Variants in CD276 observed in about 807,000 individuals in gnomAD.
CD276 encodes CD276 molecule.
Under a neutral mutation model 50.0 loss-of-function variants are expected in CD276, and 34 were observed. That is an observed-to-expected ratio of 0.68 (90% CI 0.52 to 0.91). The LOEUF (loss-of-function observed/expected upper bound fraction) is 0.91. Ranked by LOEUF, CD276 falls within the 40% of genes least tolerant of loss-of-function variation. CD276 has a pLI of 0.00. For synonymous variants in CD276, 275 were observed against 313.0 expected, an observed-to-expected ratio of 0.88 and a Z score of 1.28; for missense variants, 634 against 717.5, an observed-to-expected ratio of 0.88 and a Z score of 1.33.
chr15:73,691,557 T>C (rs986433434), intron 1 of CD276, among the ~76,000 whole-genome samples: 2 of 152,106 alleles, frequency 1.3e-5, no homozygotes, highest in Non-Finnish European at 2.9e-5. Context: ...GCAGGGCAGG[T>C]TTCTCCATGA....
chr15:73,705,061 C>T (rs1900594679), intron 6 of CD276, among the ~76,000 whole-genome samples: 3 of 152,216 alleles, frequency 2.0e-5, no homozygotes, highest in Admixed American at 2.0e-4. Context: ...CAGGTTCTAG[C>T]CTCGTGGGCA....
chr15:73,713,156 T>C lies in CD276; in HGVS notation c.*200T>C, dbSNP rs760341849. On this transcript the variant is annotated 3_prime_UTR_variant, in exon 10 of 10. Transcript: ENST00000318443. ...ATTCCCAAGTCATCCTGCTGCCTTTTTTCTTATAGACACAATGAACAGACC... is the reference window on the plus strand; with the variant it reads ...ATTCCCAAGTCATCCTGCTGCCTTTCTTCTTATAGACACAATGAACAGACC... The C allele has an allele frequency of 5.4e-5, 30 of 558,628 alleles. No individual in the cohort carries two copies. Among genetic ancestry groups the C allele is most frequent in the Non-Finnish European group, 8.5e-5 (27 of 317,032 alleles). 34.6% of individuals were successfully genotyped at this position (558,628 alleles called of 1,614,324 possible).
chr15:73,697,098 G>A (rs1596008056), intron 1 of CD276, among the ~76,000 whole-genome samples: 1 of 152,334 alleles, frequency 6.6e-6, no homozygotes, highest in East Asian at 1.9e-4. Flanking sequence ...CCTGCAGGCA[G>A]CTGCCTGCTG....
rs903913057 is a variant in CD276, at chr15:73,704,917, C to T, written c.1369+445C>T. 4.6e-5 allele frequency among the ~76,000 whole-genome samples: 7 copies of T among 152,224 alleles called. No homozygotes were observed. Among genetic ancestry groups the T allele is most frequent in the East Asian group, 1.9e-4 (1 of 5,192 alleles). ...AGTTAGTCCCCAACACCTGAGTCAA[C>T]GTCAGCTCTTCTTCCTGCAGACTTG... On this transcript the variant is annotated intron_variant, in intron 6 of 9. Coordinates refer to ENST00000318443, the MANE Select transcript of CD276 (RefSeq NM_001024736.2). The surrounding 1 kb of genome is among the most constrained non-coding windows in gnomAD (Gnocchi z 4.1).
In CD276 at chr15:73,702,773, T is replaced by A; in HGVS notation, c.420T>A (p.Ala140=). 6.2e-7 allele frequency: 1 copy of A among 1,610,376 alleles called. No individual in the cohort carries two copies. Residue 140 remains alanine (A), a splice_region_variant and synonymous_variant, in exon 4 of 10, where the codon GCT becomes GCA. Transcript: ENST00000318443. ...ACCCCTGCCCTCTGTCACCTCCAGC[T>A]CCCTACTCGAAGCCCAGCATGACCC... ...GSAAVSLQVA[A]PYSKPSMTLE...
At chr15:73,686,357 A>G (rs62004623) in intron 1 of CD276, 26,442 of 951,944 alleles carry the variant, frequency 0.028, 383 homozygotes, top group Non-Finnish European at 0.031. Context: ...TTGGAATCTG[A>G]GGACCCTGTT....
rs953593237 is a variant in CD276 at position 73,698,632 on chromosome 15, C to T, written c.-54-954C>T. ...CTGGAGTGCAGTGGTGCAATCTTGG[C>T]TTACTGCAACCTCTGCCTCCTGGGT... On this transcript the variant is annotated intron_variant, in intron 1 of 9. Coordinates refer to ENST00000318443, the MANE Select transcript of CD276 (RefSeq NM_001024736.2). Among the ~76,000 whole-genome samples, 3 of 152,166 alleles carry T rather than the reference C, an allele frequency of 2.0e-5. No homozygotes were observed. In the East Asian group the frequency reaches 5.8e-4, roughly 29 times the overall value.
intron 2 of CD276, among the ~76,000 whole-genome samples, chr15:73,700,180 G>C (rs1225117972): frequency 6.6e-6 from 1 of 152,066 alleles, no homozygotes; most frequent in Non-Finnish European, 1.5e-5. Context: ...CCCCCACCTG[G>C]CGTTTGCTTG....
intron 1 of CD276, among the ~76,000 whole-genome samples, chr15:73,696,351 G>T (rs1297184111): frequency 3.9e-5 from 6 of 152,178 alleles, no homozygotes; most frequent in Non-Finnish European, 8.8e-5. Flanking sequence ...GACCAGCTCT[G>T]TGTTCACAGG....
At chr15:73,699,097 CT>C (rs1900279044) in intron 1 of CD276, among the ~76,000 whole-genome samples, 1 of 152,180 alleles carries the variant, frequency 6.6e-6, no homozygotes, top group South Asian at 2.1e-4. Flanking sequence ...TCAGATTAAT[CT>C]TCATGAAGCT....
chr15:73,707,679 A>T (rs928974732), intron 6 of CD276, among the ~76,000 whole-genome samples: 1 of 152,030 alleles, frequency 6.6e-6, no homozygotes, highest in African/African-American at 2.4e-5. Flanking sequence ...GCCTTCCCCC[A>T]TCTTTTTTTG....
chr15:73,690,561 T>C (rs1005112856), intron 1 of CD276: 1 of 390,644 alleles, frequency 2.6e-6, no homozygotes, highest in East Asian at 7.3e-5. Context: ...TATCCTATTG[T>C]GGAAGGGCAT....
At chr15:73,707,606 T>C (rs756836442) in intron 6 of CD276, among the ~76,000 whole-genome samples, 1 of 152,202 alleles carries the variant, frequency 6.6e-6, no homozygotes, top group Non-Finnish European at 1.5e-5. Context: ...GAGTAAATGT[T>C]TTTAGGCATC....
rs754465831 is a variant in CD276 at position 73,687,467 on chromosome 15, C to T, written c.-55+3007C>T. ...CAGGTTTTACCCCTCTTTCTGGAGC[C>T]CGGTAAGATGTGCCAAGGGTCTCCT... On this transcript the variant is annotated intron_variant, in intron 1 of 9. Transcript: ENST00000318443. The surrounding 1 kb of genome is among the most constrained non-coding windows in gnomAD (Gnocchi z 4.0). 3.3e-5 allele frequency among the ~76,000 whole-genome samples: 5 copies of T among 152,080 alleles called. No homozygotes were observed. The highest frequency in any genetic ancestry group is 6.5e-5 in the Admixed American group (1 of 15,280).
chr15:73,694,463 CTTAG>C (rs754027831), intron 1 of CD276, among the ~76,000 whole-genome samples: 4 of 152,122 alleles, frequency 2.6e-5, no homozygotes, highest in East Asian at 3.8e-4. Context: ...GGGATGGCTC[CTTAG>C]TTAGTTCAGA....
In CD276 at chr15:73,704,433, G is replaced by A. The variant is rs200175975; in HGVS notation, c.1330G>A (p.Val444Met). The A allele has an allele frequency of 5.1e-5, 83 of 1,613,792 alleles. No individual in the cohort carries two copies. Among genetic ancestry groups the A allele is most frequent in the African/African-American group, 2.7e-5 (2 of 74,940 alleles). The change falls in exon 6 of 10, where the codon GTG becomes ATG. Residue 444 changes from valine to methionine, a missense_variant. Coordinates refer to ENST00000318443, the MANE Select transcript of CD276 (RefSeq NM_001024736.2). The surrounding 1 kb of genome is among the most constrained non-coding windows in gnomAD (Gnocchi z 4.1). The stretch of plus-strand genomic sequence containing the variant: ...CTACAGCTGCCTGGTGCGCAACCCC[G>A]TGCTGCAGCAGGATGCGCACGGCTC... ...GTYSCLVRNP[V>M]LQQDAHGSVT...
At chr15:73,699,465 G>A in intron 1 of CD276, 121 bp from the exon 2 acceptor site, 1 of 1,324,632 alleles carries the variant, frequency 7.5e-7, no homozygotes, top group Non-Finnish European at 1.0e-6. Context: ...GTGGGATATG[G>A]GAATGAGGAC....
intron 7 of CD276, among the ~76,000 whole-genome samples, chr15:73,709,037 A>G (rs1900771976): frequency 6.6e-6 from 1 of 152,124 alleles, no homozygotes; most frequent in Non-Finnish European, 1.5e-5. Context: ...ATGGGTAGTC[A>G]GAGGCTGGGG....
In CD276 at chr15:73,699,656, G is replaced by A; in HGVS notation, c.17G>A (p.Gly6Asp). The A allele has an allele frequency of 6.2e-7, 1 of 1,613,560 alleles. No individual in the cohort carries two copies. Among genetic ancestry groups the A allele is most frequent in the Non-Finnish European group, 8.5e-7 (1 of 1,179,782 alleles). MLRRR[G>D]SPGMGVHVGA... Reference sequence around the variant, plus strand: ...CACAGGAAGATGCTGCGTCGGCGGGGCAGCCCTGGCATGGGTGTGCATGTG... The same window carrying A: ...CACAGGAAGATGCTGCGTCGGCGGGACAGCCCTGGCATGGGTGTGCATGTG... The change falls in exon 2 of 10, where the codon GGC becomes GAC. Residue 6 changes from glycine (G) to aspartate (D), a missense_variant. Physicochemically the swap from Gly to Asp is moderately conservative, Grantham distance 94 (BLOSUM62 -1). Transcript: ENST00000318443.
Sources: gnomAD v4.1 joint callset for allele counts (sites outside exome capture counted in the v4.1 genomes callset) on GRCh38, gnomAD v4.1.1 for gene constraint, Gnocchi (gnomAD v3.1) non-coding constraint, MANE v1.5 for transcripts, NCBI Gene and HGNC (gene_info 2026-07-23, HGNC 2026-07-21) for gene names.